TMEM132B: variants seen among roughly 807,000 people sequenced by gnomAD.
TMEM132B encodes the protein transmembrane protein 132B.
In TMEM132B, 18 loss-of-function variants were observed where a neutral mutation model predicts 90.8. That is an observed-to-expected ratio of 0.20 (90% CI 0.14 to 0.29). TMEM132B has a LOEUF of 0.29. TMEM132B is among the 10% of genes least tolerant of loss of function. The pLI, the probability that TMEM132B is intolerant of heterozygous loss-of-function variation, is 1.00. For missense variants in TMEM132B, 1,096 were observed against 1,326.8 expected (o/e 0.83, Z 2.70); for synonymous variants, 504 against 523.3 (o/e 0.96, Z 0.50).
chr12:125,379,855 ACTAC>A (rs1333500172), intron 2 of TMEM132B, among the ~76,000 whole-genome samples: 11 of 152,220 alleles, frequency 7.2e-5, no homozygotes, highest in Admixed American at 1.3e-4. Context: ...AAGTGCTGCC[ACTAC>A]AGGTAGAGGT....
At position 125,655,508 on chromosome 12, in the gene TMEM132B, C is replaced by T. The variant is rs1012558829; in HGVS notation, c.*798C>T. On this transcript the variant is annotated 3_prime_UTR_variant, in exon 9 of 9. Coordinates refer to ENST00000682704, the MANE Select transcript of TMEM132B (RefSeq NM_001366854.1). ...AATGTTAATATACAGTGAGGGAGGG[C>T]CATCTCTTTACTGTTTTCTATGTGA... 1 of 152,136 alleles carries T rather than the reference C, an allele frequency of 6.6e-6. No individual in the cohort carries two copies. The highest frequency in any genetic ancestry group is 1.5e-5 in the Non-Finnish European group (1 of 68,020). 9.4% of individuals were successfully genotyped at this position (152,136 alleles called of 1,614,324 possible).
chr12:125,280,560 C>A (rs960556554), intron 1 of TMEM132B, among the ~76,000 whole-genome samples: 11 of 152,234 alleles, frequency 7.2e-5, no homozygotes, highest in Non-Finnish European at 1.2e-4. Context: ...TGCCTCCCTC[C>A]CCTGGACCTA....
chr12:125,398,353 G>A (rs1172936024), intron 2 of TMEM132B, among the ~76,000 whole-genome samples: 1 of 152,246 alleles, frequency 6.6e-6, no homozygotes, highest in Non-Finnish European at 1.5e-5. Flanking sequence ...TAGGGACCAG[G>A]CTGGTAGCAT....
intron 3 of TMEM132B, among the ~76,000 whole-genome samples, chr12:125,517,479 AC>A (rs1301869666): frequency 6.6e-6 from 1 of 151,662 alleles, no homozygotes; most frequent in Non-Finnish European, 1.5e-5. Flanking sequence ...GGCGTGAGCC[AC>A]CACGCCCGGC....
intron 1 of TMEM132B, among the ~76,000 whole-genome samples, chr12:125,256,771 G>A (rs1307952869): frequency 2.0e-5 from 3 of 152,182 alleles, no homozygotes; most frequent in Non-Finnish European, 2.9e-5. Context: ...AAAGTGAGAC[G>A]ATGAGGCAAC....
At chr12:125,372,281 T>C (rs1878316340) in intron 2 of TMEM132B, among the ~76,000 whole-genome samples, 1 of 152,260 alleles carries the variant, frequency 6.6e-6, no homozygotes, top group Non-Finnish European at 1.5e-5. Context: ...CGGCTAGAAC[T>C]GGCAGTTTGC....
intron 3 of TMEM132B, among the ~76,000 whole-genome samples, chr12:125,496,208 G>A (rs1210784478): frequency 6.6e-6 from 1 of 152,136 alleles, no homozygotes; most frequent in Non-Finnish European, 1.5e-5. Context: ...TGAGAGATGT[G>A]TAATTGTAAG....
chr12:125,588,389 G>T (rs992940524), intron 5 of TMEM132B: 2 of 152,312 alleles, frequency 1.3e-5, no homozygotes, highest in Non-Finnish European at 2.9e-5. Flanking sequence ...GAGTGCAGTG[G>T]CGTGATCTCG....
intron 2 of TMEM132B, among the ~76,000 whole-genome samples, chr12:125,397,319 G>T (rs1335250335): frequency 6.6e-6 from 1 of 152,120 alleles, no homozygotes; most frequent in Non-Finnish European, 1.5e-5. Context: ...CACACAGTAG[G>T]TTAACGCCTG....
chr12:125,616,927 G>GAAA (rs2136959767), intron 5 of TMEM132B, among the ~76,000 whole-genome samples: 1 of 152,306 alleles, frequency 6.6e-6, no homozygotes, highest in East Asian at 1.9e-4. Flanking sequence ...CACACAGTGA[G>GAAA]AAAGCTGCTG....
intron 2 of TMEM132B, among the ~76,000 whole-genome samples, chr12:125,392,934 C>T (rs538349098): frequency 6.6e-6 from 1 of 152,292 alleles, no homozygotes; most frequent in Non-Finnish European, 1.5e-5. Context: ...TCAGACTGAG[C>T]CCTGGGGGCC....
chr12:125,399,313 A>G (rs1879245387), intron 2 of TMEM132B, among the ~76,000 whole-genome samples: 4 of 152,208 alleles, frequency 2.6e-5, no homozygotes, highest in Admixed American at 2.6e-4. Flanking sequence ...ACACATACAT[A>G]TGGCATGTAC....
intron 2 of TMEM132B, among the ~76,000 whole-genome samples, chr12:125,374,826 T>A (rs1171414206): frequency 6.6e-6 from 1 of 152,068 alleles, no homozygotes; most frequent in Non-Finnish European, 1.5e-5. Context: ...AGAGTGGATA[T>A]TTCCAATGCT....
intron 4 of TMEM132B, among the ~76,000 whole-genome samples, chr12:125,560,560 C>T (rs902560229): frequency 2.6e-5 from 4 of 151,382 alleles, no homozygotes; most frequent in Admixed American, 6.6e-5. Flanking sequence ...CGGTGGCTCA[C>T]GCCTGTAATC....
At chr12:125,527,437 TATTTAC>T (rs1883513947) in intron 4 of TMEM132B, among the ~76,000 whole-genome samples, 1 of 21,636 alleles carries the variant, frequency 4.6e-5, no homozygotes, top group Non-Finnish European at 8.5e-5. Flanking sequence ...TCCATCCACC[TATTTAC>T]CCTTCCATCC....
intron 1 of TMEM132B, among the ~76,000 whole-genome samples, chr12:125,287,124 A>C (rs1875382372): frequency 1.4e-5 from 2 of 142,418 alleles, no homozygotes; most frequent in South Asian, 2.2e-4. Flanking sequence ...CTCCCTCTCC[A>C]TCTCTCTCTG....
chr12:125,247,185 C>T (rs565271025), intron 1 of TMEM132B, among the ~76,000 whole-genome samples: 14 of 152,208 alleles, frequency 9.2e-5, no homozygotes, highest in African/African-American at 3.4e-4. Flanking sequence ...AATCACCCAC[C>T]CCTTTGAACT....
intron 2 of TMEM132B, among the ~76,000 whole-genome samples, chr12:125,356,687 T>A (rs7302584): frequency 0.012 from 1,878 of 152,342 alleles, 43 homozygotes; most frequent in African/African-American, 0.042. Flanking sequence ...GAGTTAAGGC[T>A]CAGGCCGCCA....
At chr12:125,624,764 T>C (rs1233064251) in intron 5 of TMEM132B, among the ~76,000 whole-genome samples, 1 of 152,192 alleles carries the variant, frequency 6.6e-6, no homozygotes, top group Non-Finnish European at 1.5e-5. Flanking sequence ...TCTTCAGCCA[T>C]ATCTGGTCAG....
Sources: allele counts gnomAD v4.1 joint callset (sites outside exome capture counted in the v4.1 genomes callset), GRCh38; gene constraint gnomAD v4.1.1; transcripts MANE v1.5; gene names NCBI Gene and HGNC (gene_info 2026-07-23, HGNC 2026-07-21).